MAN2A2: variants seen among roughly 807,000 people sequenced by gnomAD.
The protein encoded by MAN2A2 is mannosidase alpha class 2A member 2.
A neutral mutation model predicts 126.8 loss-of-function variants in MAN2A2; 79 were observed. The ratio of observed to expected loss-of-function variants is 0.62; its 90% CI spans 0.52 to 0.75. The LOEUF (loss-of-function observed/expected upper bound fraction) is 0.75, where lower values mean the gene tolerates loss of function less well. Ranked by LOEUF, MAN2A2 falls within the 30% of genes least tolerant of loss-of-function variation. MAN2A2 has a pLI of 0.00. For synonymous variants in MAN2A2, 671 were observed against 618.7 expected (o/e 1.08, Z -1.25); for missense variants, 1,392 against 1,522.4 (o/e 0.91, Z 1.43).
At chr15:90,918,470 G>A in intron 21 of MAN2A2, 82 bp downstream of exon 21, 2 of 1,490,316 alleles carry the variant, frequency 1.3e-6, no homozygotes, top group Middle Eastern at 1.8e-4. Context: ...TAGCCTCCAG[G>A]ATGAGGTCCA....
At chr15:90,918,964 C>T (rs1014185405) in intron 22 of MAN2A2, among the ~76,000 whole-genome samples, 13 of 152,134 alleles carry the variant, frequency 8.5e-5, no homozygotes, top group African/African-American at 3.1e-4. Context: ...ACTTTTGTTC[C>T]CTGAGCAGGG....
At position 90,916,366 on chromosome 15, in the gene MAN2A2, G is replaced by T. The variant is rs558006382; in HGVS notation, c.2994+110G>T. 44 of 1,430,380 alleles carry T rather than the reference G, an allele frequency of 3.1e-5. 1 individual carries two copies. In the South Asian group the frequency reaches 5.7e-4, roughly 18 times the overall value. 88.6% of individuals were successfully genotyped at this position (1,430,380 alleles called of 1,614,324 possible). Reference sequence around the variant, plus strand: ...CGTAGTTGGAGGTGGGCAAGAGAGAGAGAGTAGGGCTGAATTCCTGGGGTG... The same window carrying T: ...CGTAGTTGGAGGTGGGCAAGAGAGATAGAGTAGGGCTGAATTCCTGGGGTG... On this transcript the variant is annotated intron_variant, in intron 20 of 22. Coordinates refer to ENST00000559717, the MANE Select transcript of MAN2A2 (RefSeq NM_006122.4).
intron 14 of MAN2A2, 55 bp downstream of exon 14, chr15:90,911,605 C>T (rs2034750451): frequency 2.6e-6 from 4 of 1,536,236 alleles, no homozygotes; most frequent in South Asian, 1.2e-5. Context: ...TGGGCCCCTC[C>T]CCGCCCGGCG....
intron 20 of MAN2A2, 86 bp downstream of exon 20, chr15:90,916,342 G>C: frequency 6.6e-7 from 1 of 1,510,650 alleles, no homozygotes; most frequent in South Asian, 1.2e-5. Context: ...CTCGAGGAGC[G>C]TAGTTGGAGG....
chr15:90,907,694 G>T (rs1382436265), intron 8 of MAN2A2, among the ~76,000 whole-genome samples, 199 bp downstream of exon 8: 1 of 152,224 alleles, frequency 6.6e-6, no homozygotes, highest in Non-Finnish European at 1.5e-5. Flanking sequence ...GTTCTCACAT[G>T]AGTACTTCTT....
chr15:90,905,199 C>A, intron 2 of MAN2A2, 52 bp from the exon 3 acceptor site: 1 of 1,588,776 alleles, frequency 6.3e-7, no homozygotes, highest in South Asian at 1.1e-5. Context: ...AAGCAGAGAC[C>A]CTCCCTGTGG....
chr15:90,918,308 G>C lies in MAN2A2; in HGVS notation c.3109G>C (p.Gly1037Arg). 1.2e-6 allele frequency: 2 copies of C among 1,614,190 alleles called. No individual in the cohort carries two copies. Among genetic ancestry groups the C allele is most frequent in the Non-Finnish European group, 1.7e-6 (2 of 1,180,026 alleles). Residue 1037 changes from glycine (G) to arginine (R), a missense_variant, in exon 21 of 23, where the codon GGT becomes CGT. Gly to Arg is a moderately radical substitution (Grantham distance 125). Coordinates refer to ENST00000559717, the MANE Select transcript of MAN2A2 (RefSeq NM_006122.4). ...PVARMQLPGP[G>R]LRSFHPLASS... ...AGCCAGGATGCAGCTCCCAGGCCCT[G>C]GTCTGCGCTCATTTCATCCTCTGGC...
intron 14 of MAN2A2, chr15:90,911,816 C>T (rs563877202): frequency 1.5e-5 from 9 of 606,676 alleles, no homozygotes; most frequent in South Asian, 5.9e-5. Flanking sequence ...CAATGTTTAT[C>T]GAAAGCTTAA....
At chr15:90,917,086 T>C (rs1479231878) in intron 20 of MAN2A2, among the ~76,000 whole-genome samples, 3 of 152,224 alleles carry the variant, frequency 2.0e-5, no homozygotes, top group African/African-American at 7.2e-5. Flanking sequence ...GCTGGAGCTA[T>C]GCTATCCAGT....
At position 90,913,477 on chromosome 15, in the gene MAN2A2, G is replaced by T; in HGVS notation, c.2718+71G>T. The stretch of plus-strand genomic sequence containing the variant: ...GGACTCTGCTTTTGCCCCTGTCACA[G>T]GCCCTGGGGGATGATCTGCCCTGAT... On this transcript the variant is annotated intron_variant, in intron 18 of 22. Coordinates refer to ENST00000559717, the MANE Select transcript of MAN2A2 (RefSeq NM_006122.4). 3 of 1,577,888 alleles carry T rather than the reference G, an allele frequency of 1.9e-6. No individual in the cohort carries two copies. In the South Asian group the frequency reaches 3.4e-5, roughly 18 times the overall value.
chr15:90,919,109 C>T (rs530930309), intron 22 of MAN2A2, among the ~76,000 whole-genome samples: 1 of 152,220 alleles, frequency 6.6e-6, no homozygotes, highest in African/African-American at 2.4e-5. Flanking sequence ...TCCAGTGTTT[C>T]AGAAGTGAAC....
Position 90,911,381 on chromosome 15 carries a change from A to G in MAN2A2, c.1944-4A>G. 2 of 1,614,096 alleles carry G rather than the reference A, an allele frequency of 1.2e-6. No homozygotes were observed. Among genetic ancestry groups the G allele is most frequent in the Non-Finnish European group, 1.7e-6 (2 of 1,179,976 alleles). On this transcript the variant is annotated splice_region_variant and splice_polypyrimidine_tract_variant and intron_variant, in intron 13 of 22. Coordinates refer to ENST00000559717, the MANE Select transcript of MAN2A2 (RefSeq NM_006122.4). ...TCCTGGGTCAGCCCACCTTCTACGCACAGGTTTGTGGTCCTATTCAACCCA... is the reference window on the plus strand; with the variant it reads ...TCCTGGGTCAGCCCACCTTCTACGCGCAGGTTTGTGGTCCTATTCAACCCA...
rs1056019043 is a variant in MAN2A2 at position 90,921,193 on chromosome 15, C to G, written c.*1406C>G. The G allele has an allele frequency of 6.6e-6, 1 of 152,174 alleles. No homozygotes were observed. Among genetic ancestry groups the G allele is most frequent in the African/African-American group, 2.4e-5 (1 of 41,436 alleles). The allele number at this position is 152,174 out of a possible 1,614,324, so 9.4% of individuals were successfully genotyped here. On this transcript the variant is annotated 3_prime_UTR_variant, in exon 23 of 23. Coordinates refer to ENST00000559717, the MANE Select transcript of MAN2A2 (RefSeq NM_006122.4). ...CAATAAAACTGCCTACCTGTAAAAC[C>G]TAAGAATCAACTGAAGACCTGTTAA...
At chr15:90,911,118 G>T (rs560049194) in intron 12 of MAN2A2, 53 bp from the exon 13 acceptor site, 1 of 1,585,212 alleles carries the variant, frequency 6.3e-7, no homozygotes, top group East Asian at 2.2e-5. Flanking sequence ...CAGGTGGGGT[G>T]GGAGGAGGCT....
In MAN2A2 at chr15:90,907,783, C is replaced by T. The variant is rs988000133; in HGVS notation, c.1196+288C>T. 3.9e-5 allele frequency among the ~76,000 whole-genome samples: 6 copies of T among 152,374 alleles called. No homozygotes were observed. The East Asian group carries it at 1.2e-3, about 29-fold the overall frequency. On this transcript the variant is annotated intron_variant, in intron 8 of 22. Transcript: ENST00000559717. Reference sequence around the variant, plus strand: ...CAGGTTAGATGTATGTTACAAACTTCAGGCTCATGTGCCTTCACTTAGTGC... The same window carrying T: ...CAGGTTAGATGTATGTTACAAACTTTAGGCTCATGTGCCTTCACTTAGTGC...
At chr15:90,916,357 C>T in intron 20 of MAN2A2, 101 bp downstream of exon 20, 2 of 1,444,468 alleles carry the variant, frequency 1.4e-6, no homozygotes, top group Non-Finnish European at 1.9e-6. Context: ...TGGAGGTGGG[C>T]AAGAGAGAGA....
Position 90,913,600 on chromosome 15 carries a change from C to G in MAN2A2, c.2719-14C>G, listed in dbSNP as rs578208518. On this transcript the variant is annotated splice_polypyrimidine_tract_variant and intron_variant, in intron 18 of 22. Coordinates refer to ENST00000559717, the MANE Select transcript of MAN2A2 (RefSeq NM_006122.4). ...TGCCCGGGTGCCCTTGATCTGCTGG[C>G]CTTGCCCCCACAGGTGCAGCCCCGA... 6.2e-7 allele frequency: 1 copy of G among 1,604,950 alleles called. No individual in the cohort carries two copies. The highest frequency in any genetic ancestry group is 1.3e-5 in the African/African-American group (1 of 74,744).
At chr15:90,914,476 GT>G (rs936272690) in intron 19 of MAN2A2, among the ~76,000 whole-genome samples, 14 of 152,314 alleles carry the variant, frequency 9.2e-5, no homozygotes, top group African/African-American at 2.9e-4. Context: ...ATTACATACT[GT>G]TTTCCTTCCA....
intron 19 of MAN2A2, 59 bp downstream of exon 19, chr15:90,913,814 C>G: frequency 6.6e-7 from 1 of 1,515,126 alleles, no homozygotes; most frequent in Non-Finnish European, 8.8e-7. Flanking sequence ...CCGTCCCCAC[C>G]CTCAAGGGCT....
Sources: gnomAD v4.1 joint callset for allele counts (sites outside exome capture counted in the v4.1 genomes callset) on GRCh38, gnomAD v4.1.1 for gene constraint, MANE v1.5 for transcripts, NCBI Gene and HGNC (gene_info 2026-07-23, HGNC 2026-07-21) for gene names.